The following PLCG2 variants were observed in gnomAD, a reference collection of about 807,000 sequenced individuals.
PLCG2 encodes the protein 1-phosphatidylinositol 4,5-bisphosphate phosphodiesterase gamma-2.
In PLCG2, 69 loss-of-function variants were observed where a neutral mutation model predicts 175.6. That is an observed-to-expected ratio of 0.39 (90% CI 0.32 to 0.48). The LOEUF is 0.48. PLCG2 is among the 20% of genes least tolerant of loss of function. PLCG2 has a pLI of 0.91. For missense variants in PLCG2, 1,798 were observed against 1,650.9 expected, an observed-to-expected ratio of 1.09 and a Z score of -1.54; for synonymous variants, 827 against 624.0, an observed-to-expected ratio of 1.33 and a Z score of -4.85.
intron 30 of PLCG2, among the ~76,000 whole-genome samples, chr16:81,945,554 G>C (rs1290624059): frequency 6.6e-6 from 1 of 152,202 alleles, no homozygotes; most frequent in Non-Finnish European, 1.5e-5. Context: ...TTTGAGATGT[G>C]TTGCCTTAAA....
intron 2 of PLCG2, among the ~76,000 whole-genome samples, chr16:81,826,393 G>A (rs1206242995): frequency 6.6e-6 from 1 of 152,150 alleles, no homozygotes; most frequent in Non-Finnish European, 1.5e-5. Flanking sequence ...CCATGGGCAG[G>A]TTCCCTGGGC....
chr16:81,902,060 T>C (rs1286710821), intron 14 of PLCG2, among the ~76,000 whole-genome samples: 2 of 152,190 alleles, frequency 1.3e-5, no homozygotes, highest in Non-Finnish European at 2.9e-5. Context: ...GCACGGGAAG[T>C]CCAAGGGTGT....
chr16:81,863,303 T>C (rs10871422), intron 5 of PLCG2, among the ~76,000 whole-genome samples: 109,258 of 152,214 alleles, frequency 0.72, 40,341 homozygotes, highest in Non-Finnish European at 0.81. Context: ...GCAGAATATT[T>C]GTCCTTTTGT....
At chr16:81,744,206 T>G (rs1009092955) in intron 1 of PLCG2, among the ~76,000 whole-genome samples, 3 of 145,868 alleles carry the variant, frequency 2.1e-5, no homozygotes, top group Non-Finnish European at 4.5e-5. Context: ...TCTCACTCTG[T>G]CACCAGGCTG....
intron 5 of PLCG2, among the ~76,000 whole-genome samples, chr16:81,867,779 G>T (rs529461048): frequency 4.9e-4 from 75 of 152,078 alleles, no homozygotes; most frequent in Non-Finnish European, 8.8e-4. Flanking sequence ...CTCACTGCAA[G>T]CTCCGCCTCC....
intron 31 of PLCG2, among the ~76,000 whole-genome samples, chr16:81,946,872 C>T (rs1422426383): frequency 6.6e-6 from 1 of 151,464 alleles, no homozygotes; most frequent in Admixed American, 6.6e-5. Flanking sequence ...AAGCCTTAAA[C>T]CAGTGAGCAT....
rs537167933 is a variant in PLCG2 at position 81,962,550 on chromosome 16, AT to A, written c.*4558del. 3.2e-5 allele frequency: 7 copies of A among 218,616 alleles called. No homozygotes were observed. Among genetic ancestry groups the A allele is most frequent in the African/African-American group, 1.6e-4 (7 of 44,640 alleles). The allele number at this position is 218,616 out of a possible 1,614,324, so 13.5% of individuals were successfully genotyped here. A position where few individuals can be genotyped will look rare whatever the true frequency, so the allele number is the denominator to read the frequency against. ...GTGTTTCATTATTAAAGCTTAATTT[AT>A]TTTTTATATAAATAGTATGTGCTTT... On this transcript the variant is annotated 3_prime_UTR_variant, in exon 33 of 33. Coordinates refer to ENST00000564138, the MANE Select transcript of PLCG2 (RefSeq NM_002661.5).
At chr16:81,776,946 G>C (rs986901080), upstream of PLCG2, among the ~76,000 whole-genome samples, 1 of 152,142 alleles carries the variant, frequency 6.6e-6, no homozygotes, top group Non-Finnish European at 1.5e-5. Flanking sequence ...TCCTTCAGTC[G>C]TTCACCTGGG....
At chr16:81,851,693 A>G (rs1361853464) in intron 2 of PLCG2, among the ~76,000 whole-genome samples, 1 of 152,112 alleles carries the variant, frequency 6.6e-6, no homozygotes, top group Non-Finnish European at 1.5e-5. Flanking sequence ...TTGTATTCTT[A>G]CTAGAGATGG....
chr16:81,866,108 T>C (rs60379026), intron 5 of PLCG2, among the ~76,000 whole-genome samples: 9 of 102,642 alleles, frequency 8.8e-5, no homozygotes, highest in African/African-American at 2.0e-4. Context: ...CATGAGAGGA[T>C]GCTGGTCTCT....
At chr16:81,777,695 A>G (rs1258792907), upstream of PLCG2, among the ~76,000 whole-genome samples, 2 of 152,126 alleles carry the variant, frequency 1.3e-5, no homozygotes, top group East Asian at 1.9e-4. Flanking sequence ...CAACATTGAC[A>G]GTGAGAGTGA....
At chr16:81,871,461 C>A (rs750095341) in intron 7 of PLCG2, among the ~76,000 whole-genome samples, 2 of 152,122 alleles carry the variant, frequency 1.3e-5, no homozygotes, top group Non-Finnish European at 2.9e-5. Flanking sequence ...GCCTTAGCCT[C>A]CCCAGTAGCT....
chr16:81,855,756 G>C lies in PLCG2; in HGVS notation c.337+1169G>C, dbSNP rs141257242. ...TTTTACATTGGGTTTTGAGGCTTCA[G>C]TAGGAGTTTGGAGGAAAGAGAGGGA... is the stretch of plus-strand genomic sequence containing the variant. On this transcript the variant is annotated intron_variant, in intron 3 of 32. Coordinates refer to ENST00000564138, the MANE Select transcript of PLCG2 (RefSeq NM_002661.5). 2.1e-3 allele frequency among the ~76,000 whole-genome samples: 320 copies of C among 152,330 alleles called. 4 individuals are homozygous for C. Among genetic ancestry groups the C allele is most frequent in the African/African-American group, 7.2e-3 (300 of 41,582 alleles).
intron 7 of PLCG2, 96 bp from the exon 8 acceptor site, chr16:81,880,814 G>T: frequency 9.1e-7 from 1 of 1,104,534 alleles, no homozygotes; most frequent in South Asian, 1.3e-5. Flanking sequence ...TGTTGCATCT[G>T]ACAAAATGAT....
At chr16:81,888,322 T>C (rs1222213317) in intron 9 of PLCG2, among the ~76,000 whole-genome samples, 1 of 152,084 alleles carries the variant, frequency 6.6e-6, no homozygotes, top group Non-Finnish European at 1.5e-5. Context: ...GCAATTCTCT[T>C]GCCTCAGCCT....
intron 2 of PLCG2, among the ~76,000 whole-genome samples, chr16:81,812,568 A>G (rs1366085766): frequency 2.0e-5 from 3 of 152,118 alleles, no homozygotes; most frequent in Non-Finnish European, 4.4e-5. Context: ...AGTTCTTTGT[A>G]GATTCTGGAT....
At chr16:81,880,588 G>T (rs1164954572) in intron 7 of PLCG2, among the ~76,000 whole-genome samples, 1 of 152,174 alleles carries the variant, frequency 6.6e-6, no homozygotes, top group Non-Finnish European at 1.5e-5. Context: ...AAAATTGTGA[G>T]ATGTACGTAA....
At position 81,900,793 on chromosome 16, in the gene PLCG2, G is replaced by C. The variant is rs377091034; in HGVS notation, c.1362+13G>C. On this transcript the variant is annotated intron_variant, in intron 14 of 32. Transcript: ENST00000564138. ...GATCATCATCAAGGTAGGCACCCCG[G>C]GTGCTGCTGTTGGCTGTCCAGGGAG... 6.3e-7 allele frequency: 1 copy of C among 1,590,546 alleles called. No homozygotes were observed. Among genetic ancestry groups the C allele is most frequent in the Non-Finnish European group, 8.6e-7 (1 of 1,161,100 alleles).
At chr16:81,927,635 G>T in intron 23 of PLCG2, among the ~76,000 whole-genome samples, 1 of 152,158 alleles carries the variant, frequency 6.6e-6, no homozygotes, top group East Asian at 1.9e-4. Flanking sequence ...TGTTTAGAGA[G>T]CAGCCACTTT....
Sources: gnomAD v4.1 joint callset for allele counts (sites outside exome capture counted in the v4.1 genomes callset) on GRCh38, gnomAD v4.1.1 for gene constraint, MANE v1.5 for transcripts, NCBI Gene and HGNC (gene_info 2026-07-23, HGNC 2026-07-21) for gene names.